SKAP1: variants seen among roughly 807,000 people sequenced by gnomAD.
The protein encoded by SKAP1 is src kinase associated phosphoprotein 1.
In SKAP1, 44 loss-of-function variants were observed where a neutral mutation model predicts 58.5. The ratio of observed to expected loss-of-function variants is 0.75; its 90% CI spans 0.59 to 0.97. The LOEUF is 0.97. SKAP1 is among the 50% of genes least tolerant of loss of function. The pLI, the probability that SKAP1 is intolerant of heterozygous loss-of-function variation, is 0.00. For synonymous variants in SKAP1, 127 were observed against 149.7 expected, an observed-to-expected ratio of 0.85 and a Z score of 1.11; for missense variants, 390 against 435.2, an observed-to-expected ratio of 0.90 and a Z score of 0.92.
intron 1 of SKAP1, among the ~76,000 whole-genome samples, chr17:48,424,912 C>T (rs1222903875): frequency 1.5e-5 from 2 of 134,028 alleles, no homozygotes; most frequent in Admixed American, 7.8e-5. Context: ...AAACTGGAGA[C>T]AGAGTGAGAC....
chr17:48,215,720 C>A (rs1350006730), intron 4 of SKAP1, among the ~76,000 whole-genome samples: 1 of 152,026 alleles, frequency 6.6e-6, no homozygotes, highest in Non-Finnish European at 1.5e-5. Flanking sequence ...ACTGGATGGA[C>A]ATGACAGGCA....
rs555244422 is a variant in SKAP1, at chr17:48,186,709, A to G, written c.442+1134T>C. On this transcript the variant is annotated intron_variant, in intron 6 of 12. Transcript: ENST00000336915. ...TTGGTCTTGAACTCCTGACCTCATG[A>G]TCTGCCTGCCTTGGCCTCCCAAAGT... Among the ~76,000 whole-genome samples, 75 of 149,256 alleles carry G rather than the reference A, an allele frequency of 5.0e-4. 1 individual carries two copies. The highest frequency in any genetic ancestry group is 1.4e-3 in the Admixed American group (20 of 14,786).
At chr17:48,418,855 T>C (rs1216123169) in intron 1 of SKAP1, among the ~76,000 whole-genome samples, 2 of 152,150 alleles carry the variant, frequency 1.3e-5, no homozygotes, top group African/African-American at 4.8e-5. Flanking sequence ...ACTGATTGCA[T>C]TATGATAGAA....
At chr17:48,414,090 A>G (rs573106936) in intron 1 of SKAP1, among the ~76,000 whole-genome samples, 2 of 152,366 alleles carry the variant, frequency 1.3e-5, no homozygotes, top group Admixed American at 6.5e-5. Flanking sequence ...AGTAAACGAA[A>G]TAGATCTAAT....
chr17:48,261,388 G>A (rs2938471), intron 4 of SKAP1, among the ~76,000 whole-genome samples: 2 of 152,002 alleles, frequency 1.3e-5, no homozygotes, highest in Admixed American at 6.6e-5. Flanking sequence ...CCTTATATAC[G>A]CAGGAATCCT....
At chr17:48,261,426 T>C (rs563345752) in intron 4 of SKAP1, among the ~76,000 whole-genome samples, 33 of 152,230 alleles carry the variant, frequency 2.2e-4, no homozygotes, top group African/African-American at 7.2e-4. Context: ...GTTTGGTTGC[T>C]AGGAGTAAGG....
chr17:48,430,151 C>G lies in SKAP1; in HGVS notation c.-31G>C, dbSNP rs377405971. ...TGGGCGGGAGAGAGGCGGGACGGGG[C>G]GCGGGCCCTGGTCGGGAGGCGGACG... On this transcript the variant is annotated 5_prime_UTR_variant, in exon 1 of 13. Coordinates refer to ENST00000336915, the MANE Select transcript of SKAP1 (RefSeq NM_003726.4). 2 of 1,245,374 alleles carry G rather than the reference C, an allele frequency of 1.6e-6. No individual in the cohort carries two copies. Among genetic ancestry groups the G allele is most frequent in the Non-Finnish European group, 2.0e-6 (2 of 986,538 alleles). The allele number at this position is 1,245,374 out of a possible 1,614,324, so 77.1% of individuals were successfully genotyped here. A position where few individuals can be genotyped will look rare whatever the true frequency, so the allele number is the denominator to read the frequency against.
At chr17:48,313,059 ATCT>A (rs759220281) in intron 4 of SKAP1, among the ~76,000 whole-genome samples, 1 of 140,396 alleles carries the variant, frequency 7.1e-6, no homozygotes, top group Non-Finnish European at 1.5e-5. Flanking sequence ...ATGAGAAAAA[ATCT>A]TCTTGTTCCA....
intron 11 of SKAP1, among the ~76,000 whole-genome samples, chr17:48,145,632 T>C (rs376653218): frequency 1.3e-5 from 2 of 152,198 alleles, no homozygotes; most frequent in East Asian, 3.9e-4. Flanking sequence ...GCAAATACCC[T>C]GTCAGTAGGT....
Position 48,363,746 on chromosome 17 carries a change from C to A in SKAP1, c.178+43G>T, listed in dbSNP as rs150121451. On this transcript the variant is annotated intron_variant, in intron 3 of 12. Transcript: ENST00000336915. Reference sequence around the variant, plus strand: ...AGACAGGAATAAACAATCCCATTTACACATTTTTAGCATAAAACCATACGT... The same window carrying A: ...AGACAGGAATAAACAATCCCATTTAAACATTTTTAGCATAAAACCATACGT... The A allele has an allele frequency of 9.4e-5, 145 of 1,540,200 alleles. 1 individual carries two copies. In the African/African-American group the frequency reaches 1.4e-3, roughly 15 times the overall value.
chr17:48,427,904 C>A (rs1598693039), intron 1 of SKAP1, among the ~76,000 whole-genome samples: 4 of 152,098 alleles, frequency 2.6e-5, no homozygotes, highest in Admixed American at 2.6e-4. Context: ...CAACAGTTAA[C>A]CTTAAAAAGT....
chr17:48,238,364 G>T (rs2065205152), intron 4 of SKAP1, among the ~76,000 whole-genome samples: 1 of 152,104 alleles, frequency 6.6e-6, no homozygotes, highest in Non-Finnish European at 1.5e-5. Flanking sequence ...TATCTTTCAT[G>T]TAGTCATGAA....
At chr17:48,246,470 AG>A (rs2049292018) in intron 4 of SKAP1, among the ~76,000 whole-genome samples, 1 of 152,204 alleles carries the variant, frequency 6.6e-6, no homozygotes, top group Admixed American at 6.5e-5. Context: ...AGCATAGCAG[AG>A]GTTCTCTCAT....
chr17:48,391,817 G>A (rs1212101087), intron 2 of SKAP1, among the ~76,000 whole-genome samples: 1 of 133,870 alleles, frequency 7.5e-6, no homozygotes, highest in Non-Finnish European at 1.5e-5. Context: ...CATTGGCACT[G>A]AAGCTCCAGT....
At chr17:48,369,181 A>AAATAAAT (rs1567886539) in intron 2 of SKAP1, among the ~76,000 whole-genome samples, 127 of 149,522 alleles carry the variant, frequency 8.5e-4, no homozygotes, top group African/African-American at 3.0e-3. Flanking sequence ...AAATAAATAT[A>AAATAAAT]AAATAAAGAT....
At chr17:48,236,308 A>C (rs1418810615) in intron 4 of SKAP1, among the ~76,000 whole-genome samples, 1 of 152,182 alleles carries the variant, frequency 6.6e-6, no homozygotes, top group Non-Finnish European at 1.5e-5. Flanking sequence ...AAATAACTAT[A>C]ATGCAATTTA....
intron 4 of SKAP1, among the ~76,000 whole-genome samples, chr17:48,213,602 T>C (rs981107589): frequency 2.6e-4 from 40 of 152,236 alleles, no homozygotes; most frequent in Middle Eastern, 6.8e-3. Flanking sequence ...AGGACAAGGT[T>C]TAGGGCTCTC....
chr17:48,175,391 A>G (rs1368167563), intron 9 of SKAP1, among the ~76,000 whole-genome samples: 1 of 152,210 alleles, frequency 6.6e-6, no homozygotes, highest in East Asian at 1.9e-4. Context: ...AGAAAAGTAG[A>G]AATAAACTGC....
At chr17:48,327,878 C>T (rs946481618) in intron 4 of SKAP1, among the ~76,000 whole-genome samples, 2 of 152,160 alleles carry the variant, frequency 1.3e-5, no homozygotes, top group African/African-American at 4.8e-5. Flanking sequence ...GTGAGCTGCC[C>T]GTCTTGGCCT....
Sources: allele counts gnomAD v4.1 joint callset (sites outside exome capture counted in the v4.1 genomes callset), GRCh38; gene constraint gnomAD v4.1.1; transcripts MANE v1.5; gene names NCBI Gene and HGNC (gene_info 2026-07-23, HGNC 2026-07-21).